Variants in IL6ST observed in about 807,000 individuals in gnomAD.
The protein encoded by IL6ST is interleukin 6 cytokine family signal transducer.
IL6ST carries 24 observed loss-of-function variants against 91.3 expected under a neutral mutation model. That is an observed-to-expected ratio of 0.26 (90% CI 0.19 to 0.37). The LOEUF is 0.37. IL6ST is among the 10% of genes least tolerant of loss of function. The probability of loss-of-function intolerance (pLI) is 1.00; values close to 1 mark genes in which losing one functional copy is unlikely to be tolerated. For synonymous variants in IL6ST, 351 were observed against 373.6 expected (o/e 0.94, Z 0.70); for missense variants, 914 against 1,078.5 (o/e 0.85, Z 2.14).
chr5:55,938,101 TTTGTAACATTTTAAAG>T lies in IL6ST; in HGVS notation c.*2965_*2980del, dbSNP rs1750650053. Reference sequence around the variant, plus strand: ...TTTAAATATGAGCTTTAATGAATGTTTTGTAACATTTTAAAGTTGTAACATTTCTAAGTATACTCCA... The same window carrying T: ...TTTAAATATGAGCTTTAATGAATGTTTTGTAACATTTCTAAGTATACTCCA... On this transcript the variant is annotated 3_prime_UTR_variant, in exon 17 of 17. Transcript: ENST00000381298. The T allele has an allele frequency of 5.3e-6, 1 of 189,456 alleles. No homozygotes were observed. Among genetic ancestry groups the T allele is most frequent in the African/African-American group, 2.3e-5 (1 of 42,964 alleles). The allele number at this position is 189,456 out of a possible 1,614,324, so 11.7% of individuals were successfully genotyped here.
Position 55,936,182 on chromosome 5 carries a change from T to A in IL6ST, c.*4900A>T. 1 of 226,666 alleles carries A rather than the reference T, an allele frequency of 4.4e-6. No homozygotes were observed. Among genetic ancestry groups the A allele is most frequent in the Non-Finnish European group, 8.8e-6 (1 of 113,892 alleles). 14.0% of individuals were successfully genotyped at this position (226,666 alleles called of 1,614,324 possible). ...TGACTGATTAGTTTCATATACTACT[T>A]AGTAACCTCAAGAAGTAGCAGGAGG... On this transcript the variant is annotated 3_prime_UTR_variant, in exon 17 of 17. Coordinates refer to ENST00000381298, the MANE Select transcript of IL6ST (RefSeq NM_002184.4).
At chr5:55,944,961 T>C (rs1751148743) in intron 15 of IL6ST, among the ~76,000 whole-genome samples, 1 of 151,942 alleles carries the variant, frequency 6.6e-6, no homozygotes, top group Middle Eastern at 3.4e-3. Context: ...TTCTGGACTA[T>C]TTCTGTGTTT....
chr5:55,971,744 G>A (rs1433821961), intron 3 of IL6ST, among the ~76,000 whole-genome samples: 2 of 152,078 alleles, frequency 1.3e-5, no homozygotes, highest in Non-Finnish European at 2.9e-5. Context: ...TGAGGCAGGA[G>A]GATTGCTTGA....
chr5:55,942,777 T>C (rs375741937), intron 15 of IL6ST, 26 bp from the exon 16 acceptor site: 31 of 1,265,802 alleles, frequency 2.4e-5, no homozygotes, highest in African/African-American at 1.9e-4. Flanking sequence ...AAATGGCCTA[T>C]GTAAAACCAC....
chr5:55,968,307 A>G lies in IL6ST; in HGVS notation c.460T>C (p.Leu154=). ...GATTTTAAAGTGAAGTTTGTCTCCA[A>G]GTGTGTTTCCCTTCCACCATCCCAC... ...CEWDGGRETH[L]ETNFTLKSEW... The change falls in exon 5 of 17, where the codon TTG becomes CTG. Residue 154 remains leucine, a synonymous_variant. Coordinates refer to ENST00000381298, the MANE Select transcript of IL6ST (RefSeq NM_002184.4). 3 of 1,598,578 alleles carry G rather than the reference A, an allele frequency of 1.9e-6. No individual in the cohort carries two copies. The highest frequency in any genetic ancestry group is 2.6e-6 in the Non-Finnish European group (3 of 1,175,104).
chr5:55,943,776 A>G (rs1398878047), intron 15 of IL6ST, among the ~76,000 whole-genome samples: 1 of 152,182 alleles, frequency 6.6e-6, no homozygotes, highest in African/African-American at 2.4e-5. Context: ...AGGGGAAAAA[A>G]AAACACAAAG....
chr5:55,966,761 T>G (rs544934746), intron 5 of IL6ST, among the ~76,000 whole-genome samples: 73 of 151,930 alleles, frequency 4.8e-4, no homozygotes, highest in Middle Eastern at 3.4e-3. Context: ...TATGCAAGAG[T>G]GTTCACTGTA....
intron 5 of IL6ST, among the ~76,000 whole-genome samples, chr5:55,966,738 G>A (rs1311242982): frequency 1.3e-5 from 2 of 152,124 alleles, no homozygotes; most frequent in Non-Finnish European, 2.9e-5. Flanking sequence ...AATGTTAATT[G>A]TAGAATCTAG....
chr5:55,952,352 C>T lies in IL6ST; in HGVS notation c.1451-1G>A. 1 of 1,542,476 alleles carries T rather than the reference C, an allele frequency of 6.5e-7. No individual in the cohort carries two copies. The highest frequency in any genetic ancestry group is 8.9e-7 in the Non-Finnish European group (1 of 1,124,666). ...TAGCATTTGCTCTCTGCTAAGTTCC[C>T]TAAAGCAAGAATAGCAGATTAAGCA... is the stretch of plus-strand genomic sequence containing the variant. On this transcript the variant is annotated splice_acceptor_variant, in intron 11 of 16. Coordinates refer to ENST00000381298, the MANE Select transcript of IL6ST (RefSeq NM_002184.4). LOFTEE classifies it high-confidence loss of function.
At chr5:55,967,190 A>G (rs1042408113) in intron 5 of IL6ST, among the ~76,000 whole-genome samples, 1 of 151,556 alleles carries the variant, frequency 6.6e-6, no homozygotes, top group African/African-American at 2.4e-5. Flanking sequence ...CATGCCTGTA[A>G]TCCCAGCTAC....
chr5:55,959,625 C>T (rs1580815682), intron 8 of IL6ST: 1 of 1,292,736 alleles, frequency 7.7e-7, no homozygotes, highest in Non-Finnish European at 1.0e-6. Flanking sequence ...TAAAAACTAA[C>T]CAACCAAAAT....
chr5:55,994,263 A>C (rs1339946215), intron 1 of IL6ST: 1 of 152,156 alleles, frequency 6.6e-6, no homozygotes, highest in African/African-American at 2.4e-5. Flanking sequence ...ATTCGTTAGG[A>C]ATGATAATTA....
intron 3 of IL6ST, among the ~76,000 whole-genome samples, chr5:55,970,855 T>C (rs1182234974): frequency 6.6e-6 from 1 of 151,868 alleles, no homozygotes; most frequent in African/African-American, 2.4e-5. Context: ...TGCAGTGAGA[T>C]CACGCCACTG....
At position 55,955,507 on chromosome 5, in the gene IL6ST, A is replaced by G. The variant is rs74615311; in HGVS notation, c.1268-515T>C. Among the ~76,000 whole-genome samples the G allele has an allele frequency of 4.7e-3, 717 of 152,332 alleles. 14 individuals carry two copies. The highest frequency in any genetic ancestry group is 0.038 in the East Asian group (195 of 5,192). On this transcript the variant is annotated intron_variant, in intron 10 of 16. Coordinates refer to ENST00000381298, the MANE Select transcript of IL6ST (RefSeq NM_002184.4). ...CAAATGCTTTCGGTTTGTAATTGCA[A>G]TTTTTCTTCTTTGAAAGCTACGAAT... is the stretch of plus-strand genomic sequence containing the variant.
rs1454788624 is a variant in IL6ST at position 55,940,264 on chromosome 5, G to A, written c.*818C>T. 4.7e-6 allele frequency: 1 copy of A among 211,226 alleles called. No individual in the cohort carries two copies. The highest frequency in any genetic ancestry group is 5.9e-5 in the Admixed American group (1 of 16,968). The allele number at this position is 211,226 out of a possible 1,614,324, so 13.1% of individuals were successfully genotyped here. A position where few individuals can be genotyped will look rare whatever the true frequency, so the allele number is the denominator to read the frequency against. Reference sequence around the variant, plus strand: ...TTTCCCCTTTACTACTACAATTTAAGCCTTTAAAAATGGCAATTTTTTAGA... The same window carrying A: ...TTTCCCCTTTACTACTACAATTTAAACCTTTAAAAATGGCAATTTTTTAGA... On this transcript the variant is annotated 3_prime_UTR_variant, in exon 17 of 17. Coordinates refer to ENST00000381298, the MANE Select transcript of IL6ST (RefSeq NM_002184.4).
chr5:55,975,087 A>T (rs1417149011), intron 3 of IL6ST, among the ~76,000 whole-genome samples: 1 of 151,890 alleles, frequency 6.6e-6, no homozygotes, highest in African/African-American at 2.4e-5. Context: ...AGGGCTCATG[A>T]TTCTCCTGGC....
intron 14 of IL6ST, chr5:55,950,335 G>C (rs955177649): frequency 5.7e-6 from 2 of 352,062 alleles, no homozygotes; most frequent in Non-Finnish European, 1.1e-5. Context: ...TCAGGAGGTC[G>C]AGACCATCCC....
rs1389775269 is a variant in IL6ST, at chr5:55,938,451, C to T, written c.*2631G>A. On this transcript the variant is annotated 3_prime_UTR_variant, in exon 17 of 17. Transcript: ENST00000381298. ...GGATACCACAGACATCAGTAACTGA[C>T]AAGTTATAATATCAACACATGTAAC... 1 of 194,178 alleles carries T rather than the reference C, an allele frequency of 5.1e-6. No individual in the cohort carries two copies. The highest frequency in any genetic ancestry group is 1.1e-5 in the Non-Finnish European group (1 of 93,202). The allele number at this position is 194,178 out of a possible 1,614,324, so 12.0% of individuals were successfully genotyped here.
chr5:55,947,158 C>G (rs948269406), intron 15 of IL6ST, among the ~76,000 whole-genome samples: 1 of 152,096 alleles, frequency 6.6e-6, no homozygotes, highest in African/African-American at 2.4e-5. Context: ...GAGATCGCAC[C>G]ACTGCACTCC....
Sources: gnomAD v4.1 joint callset for allele counts (sites outside exome capture counted in the v4.1 genomes callset) on GRCh38, gnomAD v4.1.1 for gene constraint, MANE v1.5 for transcripts, NCBI Gene and HGNC (gene_info 2026-07-23, HGNC 2026-07-21) for gene names.